The following PHACTR1 variants were observed in gnomAD, a reference collection of about 807,000 sequenced individuals.
The protein encoded by PHACTR1 is phosphatase and actin regulator 1, also known as RPEL repeat containing 1.
A neutral mutation model predicts 69.2 loss-of-function variants in PHACTR1; 16 were observed. That is an observed-to-expected ratio of 0.23 (90% CI 0.16 to 0.35). The LOEUF is 0.35. PHACTR1 is among the 10% of genes least tolerant of loss of function. The pLI is 1.00. For synonymous variants in PHACTR1, 312 were observed against 284.5 expected, an observed-to-expected ratio of 1.10 and a Z score of -0.97; for missense variants, 510 against 734.7, an observed-to-expected ratio of 0.69 and a Z score of 3.54.
intron 4 of PHACTR1, among the ~76,000 whole-genome samples, chr6:12,842,537 T>C (rs1778796051): frequency 6.6e-6 from 1 of 152,228 alleles, no homozygotes; most frequent in Non-Finnish European, 1.5e-5. Flanking sequence ...AAAGGTTTTT[T>C]ATTTTTTATT....
chr6:12,971,603 G>A (rs576125016), intron 4 of PHACTR1, among the ~76,000 whole-genome samples: 1 of 152,182 alleles, frequency 6.6e-6, no homozygotes, highest in African/African-American at 2.4e-5. Context: ...GTTACTGAGG[G>A]GTAGGATGGG....
intron 4 of PHACTR1, among the ~76,000 whole-genome samples, chr6:12,990,478 C>G (rs1337408585): frequency 6.6e-6 from 1 of 152,264 alleles, no homozygotes; most frequent in African/African-American, 2.4e-5. Context: ...TAGGCTGAAA[C>G]CCTCACAAGA....
chr6:13,276,905 A>G (rs1219147209), intron 11 of PHACTR1, among the ~76,000 whole-genome samples: 1 of 152,252 alleles, frequency 6.6e-6, no homozygotes, highest in African/African-American at 2.4e-5. Flanking sequence ...AATATAATTC[A>G]ACAACTGTGA....
intron 5 of PHACTR1, among the ~76,000 whole-genome samples, chr6:13,076,643 G>A (rs925859290): frequency 6.6e-6 from 1 of 152,046 alleles, no homozygotes. Flanking sequence ...CTTGAGTGTG[G>A]CCCAGTTGGA....
chr6:13,132,758 G>A (rs549704028), intron 5 of PHACTR1, among the ~76,000 whole-genome samples: 1 of 151,678 alleles, frequency 6.6e-6, no homozygotes, highest in Non-Finnish European at 1.5e-5. Flanking sequence ...AATGATCATC[G>A]GAGGCTTCAG....
intron 4 of PHACTR1, among the ~76,000 whole-genome samples, chr6:12,754,851 T>G (rs1322113660): frequency 6.6e-6 from 1 of 152,236 alleles, no homozygotes; most frequent in Non-Finnish European, 1.5e-5. Context: ...TTAGGTATTA[T>G]AAGTAATCTA....
Position 13,227,949 on chromosome 6 carries a change from G to A in PHACTR1, c.1120G>A (p.Asp374Asn), listed in dbSNP as rs574360086. ...GCCAACTGTTGTGATTGAATGTGAT[G>A]ACAATAAAGAAAATGTGCCTCATGA... is the stretch of plus-strand genomic sequence containing the variant. ...QVPTVVIECD[D>N]NKENVPHESD... Residue 374 changes from aspartate to asparagine, a missense_variant, in exon 9 of 15, where the codon GAC becomes AAC. Asp to Asn is a conservative substitution (Grantham distance 23). Around this residue, in one of 2 missense-constraint regions of PHACTR1, gnomAD observed 419 missense variants for 530.9 expected, o/e 0.79. Coordinates refer to ENST00000332995, the MANE Select transcript of PHACTR1 (RefSeq NM_030948.6). 2 of 1,613,990 alleles carry A rather than the reference G, an allele frequency of 1.2e-6. No individual in the cohort carries two copies. Among genetic ancestry groups the A allele is most frequent in the East Asian group, 2.2e-5 (1 of 44,888 alleles).
At chr6:13,005,607 T>C (rs552229660) in intron 4 of PHACTR1, among the ~76,000 whole-genome samples, 1 of 152,204 alleles carries the variant, frequency 6.6e-6, no homozygotes, top group South Asian at 2.1e-4. Context: ...ACTGTAAAAA[T>C]TGGTTTGGAA....
rs570145696 is a variant in PHACTR1 at position 13,275,785 on chromosome 6, C to T, written c.1448-2483C>T. On this transcript the variant is annotated intron_variant, in intron 11 of 14. Transcript: ENST00000332995. This position sits in a 1 kb window ranked among gnomAD's most constrained non-coding sequence, Gnocchi z 4.0. ...CTTCTGTAAATTTTCACCGTGTGCC[C>T]TCTAGCTGTCCCTGGTGACCCAACA... 2 of 152,274 alleles carry T rather than the reference C, an allele frequency of 1.3e-5. No homozygotes were observed. Among genetic ancestry groups the T allele is most frequent in the African/African-American group, 4.8e-5 (2 of 41,550 alleles). 9.4% of individuals were successfully genotyped at this position (152,274 alleles called of 1,614,324 possible). A position where few individuals can be genotyped will look rare whatever the true frequency, so the allele number is the denominator to read the frequency against.
At chr6:13,210,262 G>A (rs1470120275) in intron 8 of PHACTR1, among the ~76,000 whole-genome samples, 1 of 152,100 alleles carries the variant, frequency 6.6e-6, no homozygotes, top group Non-Finnish European at 1.5e-5. Flanking sequence ...TGATCATCCT[G>A]CCTCAGCCTC....
At chr6:12,723,967 AC>A (rs1244319078) in intron 3 of PHACTR1, among the ~76,000 whole-genome samples, 2 of 152,218 alleles carry the variant, frequency 1.3e-5, no homozygotes, top group East Asian at 1.9e-4. Flanking sequence ...TCCCCGAATA[AC>A]TTTCTCTATC....
At chr6:12,860,004 CATT>C (rs1554153463) in intron 4 of PHACTR1, among the ~76,000 whole-genome samples, 11 of 151,328 alleles carry the variant, frequency 7.3e-5, no homozygotes, top group African/African-American at 1.2e-4. Flanking sequence ...TCATCATCAT[CATT>C]ATTATTATTA....
At position 13,047,377 on chromosome 6, in the gene PHACTR1, C is replaced by CAAAAA. The variant is rs35293642; in HGVS notation, c.251-5967_251-5963dup. Among the ~76,000 whole-genome samples the CAAAAA allele has an allele frequency of 5.8e-4, 32 of 54,784 alleles. 1 individual carries two copies. The highest frequency in any genetic ancestry group is 1.3e-3 in the African/African-American group (23 of 18,002). The allele number at this position is 54,784 out of a possible 152,430, so 35.9% of individuals were successfully genotyped here. On this transcript the variant is annotated intron_variant, in intron 4 of 14. Coordinates refer to ENST00000332995, the MANE Select transcript of PHACTR1 (RefSeq NM_030948.6). ...TGGGTGACAGAGCAAAACCCTGTCT[C>CAAAAA]AAAAAAAAAAAAAAAAAAAAAAAAA...
intron 8 of PHACTR1, among the ~76,000 whole-genome samples, chr6:13,221,932 A>G (rs1464139399): frequency 1.3e-5 from 2 of 152,046 alleles, no homozygotes; most frequent in African/African-American, 4.8e-5. Flanking sequence ...GCCACCTGGG[A>G]GGCTGAGGCA....
At chr6:12,845,244 G>A (rs1779087934) in intron 4 of PHACTR1, among the ~76,000 whole-genome samples, 1 of 151,978 alleles carries the variant, frequency 6.6e-6, no homozygotes, top group Non-Finnish European at 1.5e-5. Flanking sequence ...CAGTTATTTC[G>A]GTCTCTTTTC....
At chr6:13,122,879 A>G (rs1333655065) in intron 5 of PHACTR1, among the ~76,000 whole-genome samples, 1 of 152,230 alleles carries the variant, frequency 6.6e-6, no homozygotes, top group Non-Finnish European at 1.5e-5. Flanking sequence ...GTTACTACCT[A>G]TGAGCTTGCA....
At chr6:12,733,518 C>A (rs1169890301) in intron 3 of PHACTR1, among the ~76,000 whole-genome samples, 1 of 152,174 alleles carries the variant, frequency 6.6e-6, no homozygotes, top group Non-Finnish European at 1.5e-5. Context: ...TCCCCTACAA[C>A]ATCCTGCCTT....
chr6:13,244,876 A>G (rs1304970190), intron 10 of PHACTR1, among the ~76,000 whole-genome samples: 7 of 152,268 alleles, frequency 4.6e-5, no homozygotes, highest in African/African-American at 1.7e-4. Flanking sequence ...AGACAGGCAT[A>G]GGAAATCACA....
Position 12,774,106 on chromosome 6 carries a change from T to C in PHACTR1, c.250+24316T>C, listed in dbSNP as rs534343942. Among the ~76,000 whole-genome samples, 71 of 152,326 alleles carry C rather than the reference T, an allele frequency of 4.7e-4. 2 individuals carry two copies. The Middle Eastern group carries it at 0.01, about 22-fold the overall frequency. ...ACAGAGTTAATAAAATTTAAAATATTGGTAGTAGTGTTTTGTTCAGATATC... is the reference window on the plus strand; with the variant it reads ...ACAGAGTTAATAAAATTTAAAATATCGGTAGTAGTGTTTTGTTCAGATATC... On this transcript the variant is annotated intron_variant, in intron 4 of 14. Coordinates refer to ENST00000332995, the MANE Select transcript of PHACTR1 (RefSeq NM_030948.6).
Sources: gnomAD v4.1 joint callset for allele counts (sites outside exome capture counted in the v4.1 genomes callset) on GRCh38, gnomAD v4.1.1 for gene constraint, gnomAD v4.1.1 regional missense constraint, Gnocchi (gnomAD v3.1) non-coding constraint, MANE v1.5 for transcripts, NCBI Gene and HGNC (gene_info 2026-07-23, HGNC 2026-07-21) for gene names.